Variants in AVEN observed in about 807,000 individuals in gnomAD.
AVEN encodes the protein cell death regulator Aven.
Under a neutral mutation model 38.1 loss-of-function variants are expected in AVEN, and 41 were observed. The ratio of observed to expected loss-of-function variants is 1.08; its 90% CI spans 0.84 to 1.40. The LOEUF (loss-of-function observed/expected upper bound fraction) is 1.40. Ranked by LOEUF, AVEN falls within the 40% of genes most tolerant of loss-of-function variation. The probability of loss-of-function intolerance (pLI) is 0.00; values close to 1 mark genes in which losing one functional copy is unlikely to be tolerated. For synonymous variants in AVEN, 206 were observed against 171.8 expected, an observed-to-expected ratio of 1.20 and a Z score of -1.56; for missense variants, 605 against 438.8, an observed-to-expected ratio of 1.38 and a Z score of -3.38.
At chr15:33,990,011 T>A (rs1896649181) in intron 2 of AVEN, among the ~76,000 whole-genome samples, 2 of 151,730 alleles carry the variant, frequency 1.3e-5, no homozygotes, top group Non-Finnish European at 2.9e-5. Flanking sequence ...GAGACCAGCC[T>A]GGCCAACATG....
At chr15:34,068,834 C>T (rs546759104) in intron 2 of AVEN, among the ~76,000 whole-genome samples, 138 of 87,224 alleles carry the variant, frequency 1.6e-3, no homozygotes, top group African/African-American at 5.9e-3. Context: ...TTTTTTGAGA[C>T]GGAGTCTCGC....
intron 5 of AVEN, among the ~76,000 whole-genome samples, chr15:34,048,972 G>A (rs560115412): frequency 4.6e-5 from 7 of 152,292 alleles, no homozygotes; most frequent in African/African-American, 1.7e-4. Context: ...TGGAAGAGTT[G>A]TCTGACTGTT....
rs573942541 is a variant in AVEN, at chr15:34,044,605, T to C, written n.1637+18317A>G. On this transcript the variant is annotated intron_variant and non_coding_transcript_variant, in intron 5 of 11. Transcript: ENST00000675287. Reference sequence around the variant, plus strand: ...GAAAATGGTAATATTTTCCCAGTACTCTGGAATAACAAGACAATACTGCTC... The same window carrying C: ...GAAAATGGTAATATTTTCCCAGTACCCTGGAATAACAAGACAATACTGCTC... Among the ~76,000 whole-genome samples the C allele has an allele frequency of 3.3e-5, 5 of 152,306 alleles. No individual in the cohort carries two copies. In the South Asian group the frequency reaches 8.3e-4, roughly 25 times the overall value.
intron 1 of AVEN, among the ~76,000 whole-genome samples, chr15:34,011,469 A>G (rs1442577132): frequency 6.6e-6 from 1 of 152,210 alleles, no homozygotes; most frequent in Non-Finnish European, 1.5e-5. Context: ...AACAATGTAC[A>G]TAATAATAAA....
upstream of AVEN, among the ~76,000 whole-genome samples, chr15:34,043,912 G>A (rs948427414): frequency 6.6e-6 from 1 of 151,814 alleles, no homozygotes; most frequent in Admixed American, 6.6e-5. Context: ...TAGTATAGAG[G>A]GGTCTCTGTC....
At chr15:34,069,013 G>A (rs375804281) in intron 2 of AVEN, among the ~76,000 whole-genome samples, 12 of 151,566 alleles carry the variant, frequency 7.9e-5, no homozygotes, top group African/African-American at 7.2e-5. Context: ...GGGTTTCACC[G>A]TGTTAGCCAG....
chr15:33,880,491 G>A (rs545606506), intron 2 of AVEN, among the ~76,000 whole-genome samples: 14 of 152,252 alleles, frequency 9.2e-5, no homozygotes, highest in Middle Eastern at 3.4e-3. Context: ...CTTTCAGGCG[G>A]GACCCCCTGA....
At chr15:34,007,948 G>C (rs1217681404) in intron 1 of AVEN, among the ~76,000 whole-genome samples, 1 of 152,158 alleles carries the variant, frequency 6.6e-6, no homozygotes, top group Non-Finnish European at 1.5e-5. Flanking sequence ...ATGAGGACAT[G>C]AGTTATACTG....
rs542289270 is a variant in AVEN, at chr15:33,993,147, C to T, written c.445+9885G>A. ...ATATTGCATGAATTCAATGATTTGA[C>T]TTTTGGGGAAAAAAAATGAAGGGCA... On this transcript the variant is annotated intron_variant, in intron 2 of 5. Transcript: ENST00000306730. Among the ~76,000 whole-genome samples, 30 of 152,194 alleles carry T rather than the reference C, an allele frequency of 2.0e-4. 1 individual carries two copies. In the Middle Eastern group the frequency reaches 0.031, roughly 155 times the overall value.
At chr15:34,046,539 G>A (rs1020129460) in intron 5 of AVEN, 1 of 152,134 alleles carries the variant, frequency 6.6e-6, no homozygotes, top group Non-Finnish European at 1.5e-5. Context: ...CCCTTTTCTA[G>A]GAACCTAGGA....
chr15:34,057,650 A>T (rs548804937), intron 5 of AVEN, among the ~76,000 whole-genome samples: 7 of 152,262 alleles, frequency 4.6e-5, no homozygotes, highest in Admixed American at 3.3e-4. Context: ...AGTAAGTTGG[A>T]GCCATATGTT....
intron 2 of AVEN, among the ~76,000 whole-genome samples, chr15:33,999,186 G>A (rs1233460799): frequency 6.6e-6 from 1 of 152,214 alleles, no homozygotes; most frequent in Non-Finnish European, 1.5e-5. Context: ...GGAAGAGAAT[G>A]TTTATTCCTC....
At chr15:33,905,130 C>A (rs1437705490) in intron 2 of AVEN, among the ~76,000 whole-genome samples, 1 of 121,286 alleles carries the variant, frequency 8.2e-6, no homozygotes, top group African/African-American at 3.4e-5. Flanking sequence ...ACTCCGTCTC[C>A]AAAAAAAAAA....
intron 2 of AVEN, among the ~76,000 whole-genome samples, chr15:34,069,340 A>G (rs1020011630): frequency 6.7e-6 from 1 of 149,722 alleles, no homozygotes; most frequent in African/African-American, 2.5e-5. Context: ...GAATTGCTTG[A>G]ACCTGGGAGG....
chr15:33,942,609 C>G (rs953249297), intron 2 of AVEN, among the ~76,000 whole-genome samples: 1 of 152,078 alleles, frequency 6.6e-6, no homozygotes, highest in Non-Finnish European at 1.5e-5. Flanking sequence ...CGCCACCATG[C>G]CCGGCTAATA....
At chr15:33,978,266 A>G (rs1345433596) in intron 2 of AVEN, among the ~76,000 whole-genome samples, 2 of 152,250 alleles carry the variant, frequency 1.3e-5, no homozygotes, top group African/African-American at 4.8e-5. Context: ...CATGTGTGGT[A>G]CTAGACTACA....
At chr15:33,960,830 T>C (rs1016074777) in intron 2 of AVEN, among the ~76,000 whole-genome samples, 2 of 152,210 alleles carry the variant, frequency 1.3e-5, no homozygotes, top group Non-Finnish European at 2.9e-5. Flanking sequence ...GTTTATCCCT[T>C]AGTCATGCTC....
chr15:33,951,257 T>C (rs1457534991), intron 2 of AVEN, among the ~76,000 whole-genome samples: 1 of 152,200 alleles, frequency 6.6e-6, no homozygotes, highest in African/African-American at 2.4e-5. Context: ...TCAGGTACGC[T>C]TCCTTCAAAA....
intron 2 of AVEN, among the ~76,000 whole-genome samples, chr15:33,904,726 C>CACACACACACACAT (rs746434314): frequency 1.0e-4 from 15 of 149,802 alleles, no homozygotes; most frequent in African/African-American, 3.7e-4. Flanking sequence ...TACACACACA[C>CACACACACACACAT]ACGAATATGC....
Sources: gnomAD v4.1 joint callset for allele counts (sites outside exome capture counted in the v4.1 genomes callset) on GRCh38, gnomAD v4.1.1 for gene constraint, MANE v1.5 for transcripts, NCBI Gene and HGNC (gene_info 2026-07-23, HGNC 2026-07-21) for gene names.